MGAT3: variants seen among roughly 807,000 people sequenced by gnomAD.
MGAT3 encodes the protein GlcNAc-T III.
In MGAT3, 9 loss-of-function variants were observed where a neutral mutation model predicts 29.8. That is an observed-to-expected ratio of 0.30 (90% CI 0.18 to 0.53). The LOEUF (loss-of-function observed/expected upper bound fraction) is 0.53, where lower values mean the gene tolerates loss of function less well. MGAT3 is among the 20% of genes least tolerant of loss of function. MGAT3 has a pLI of 0.96. For missense variants in MGAT3, 557 were observed against 769.5 expected (o/e 0.72, Z 3.27); for synonymous variants, 397 against 348.9 (o/e 1.14, Z -1.54).
Position 39,488,920 on chromosome 22 carries a change from C to A in MGAT3, c.1573C>A (p.Arg525=). The A allele has an allele frequency of 1.2e-6, 2 of 1,605,030 alleles. No individual in the cohort carries two copies. Residue 525 remains arginine (R), a synonymous_variant, in exon 2 of 2, where the codon CGG becomes AGG. Transcript: ENST00000341184. ...GGGTCCCGAGGGAAGGCCGCCCGCC[C>A]GGGGCAAACTGGACGAGGCGGAAGT... ...HRGPEGRPPA[R]GKLDEAEV
intron 1 of MGAT3, among the ~76,000 whole-genome samples, chr22:39,485,605 AC>A (rs1337764554): frequency 1.3e-5 from 2 of 152,208 alleles, no homozygotes; most frequent in African/African-American, 4.8e-5. Flanking sequence ...TGCCTAGCCA[AC>A]ATGGCGAAAC....
At chr22:39,471,749 G>A (rs996204910) in intron 1 of MGAT3, among the ~76,000 whole-genome samples, 5 of 152,034 alleles carry the variant, frequency 3.3e-5, no homozygotes, top group Non-Finnish European at 5.9e-5. Flanking sequence ...ACAGAGACAC[G>A]AGGCACAGGG....
chr22:39,478,348 T>C (rs1929028170), intron 1 of MGAT3, among the ~76,000 whole-genome samples: 1 of 152,334 alleles, frequency 6.6e-6, no homozygotes, highest in African/African-American at 2.4e-5. Flanking sequence ...TTGGGCCTGC[T>C]TTACTGCTGG....
intron 1 of MGAT3, among the ~76,000 whole-genome samples, chr22:39,463,709 C>T (rs1191137408): frequency 2.0e-5 from 3 of 151,598 alleles, no homozygotes; most frequent in East Asian, 1.9e-4. Flanking sequence ...TCCAGGAGTC[C>T]GAGACCAGCC....
chr22:39,467,389 G>A (rs558612500), intron 1 of MGAT3, among the ~76,000 whole-genome samples: 22 of 152,288 alleles, frequency 1.4e-4, no homozygotes, highest in East Asian at 3.9e-4. Flanking sequence ...TCCCCTCTGC[G>A]GCCCTGGGGG....
intron 1 of MGAT3, among the ~76,000 whole-genome samples, chr22:39,475,204 A>G (rs1474132343): frequency 6.7e-6 from 1 of 149,078 alleles, no homozygotes; most frequent in Admixed American, 6.7e-5. Context: ...AGTGTCTGAA[A>G]TTGAAAAGCT....
At chr22:39,480,327 C>T (rs915638685) in intron 1 of MGAT3, among the ~76,000 whole-genome samples, 1 of 152,178 alleles carries the variant, frequency 6.6e-6, no homozygotes, top group African/African-American at 2.4e-5. Context: ...CTGCCTGGGT[C>T]ACAGAGGGCG....
At chr22:39,483,468 A>G (rs1371066508) in intron 1 of MGAT3, among the ~76,000 whole-genome samples, 1 of 151,926 alleles carries the variant, frequency 6.6e-6, no homozygotes, top group Non-Finnish European at 1.5e-5. Context: ...CTGGGCAACA[A>G]GAGCAAAACT....
In MGAT3 at chr22:39,484,441, C is replaced by T. The variant is rs549270518; in HGVS notation, c.-1-2906C>T. Among the ~76,000 whole-genome samples the T allele has an allele frequency of 1.2e-4, 19 of 152,148 alleles. No individual in the cohort carries two copies. The South Asian group carries it at 3.5e-3, about 28-fold the overall frequency. The stretch of plus-strand genomic sequence containing the variant: ...AGGTTGGAGTACAGTGGTGCGATCT[C>T]GGCTCACTGCAACCCCCACGTCCCT... On this transcript the variant is annotated intron_variant, in intron 1 of 1. Coordinates refer to ENST00000341184, the MANE Select transcript of MGAT3 (RefSeq NM_002409.5).
intron 1 of MGAT3, among the ~76,000 whole-genome samples, chr22:39,467,562 A>G (rs1454304477): frequency 6.6e-6 from 1 of 152,212 alleles, no homozygotes; most frequent in Admixed American, 6.5e-5. Flanking sequence ...GAGAATACGA[A>G]GTACAGTGTC....
chr22:39,475,928 T>A (rs1468870653), intron 1 of MGAT3: 2 of 152,328 alleles, frequency 1.3e-5, no homozygotes, highest in Admixed American at 1.3e-4. Context: ...CTGGGTAACA[T>A]AGGTCTCGTC....
chr22:39,458,181 G>A (rs1928394889), intron 1 of MGAT3, among the ~76,000 whole-genome samples: 1 of 152,320 alleles, frequency 6.6e-6, no homozygotes, highest in African/African-American at 2.4e-5. Context: ...ACCTGGCTGA[G>A]GGAGGGCGCT....
intron 1 of MGAT3, among the ~76,000 whole-genome samples, chr22:39,463,145 T>G (rs1928543621): frequency 6.6e-6 from 1 of 152,226 alleles, no homozygotes; most frequent in Admixed American, 6.5e-5. Flanking sequence ...CATAATTTGC[T>G]GCTCTTTATC....
At chr22:39,469,235 G>A (rs1417334180) in intron 1 of MGAT3, among the ~76,000 whole-genome samples, 1 of 152,064 alleles carries the variant, frequency 6.6e-6, no homozygotes, top group Non-Finnish European at 1.5e-5. Context: ...GGGGAGTGTT[G>A]GGAACGTCAT....
Position 39,487,663 on chromosome 22 carries a change from G to A in MGAT3, c.316G>A (p.Glu106Lys), listed in dbSNP as rs763171481. 9.3e-6 allele frequency: 15 copies of A among 1,608,904 alleles called. No homozygotes were observed. Among genetic ancestry groups the A allele is most frequent in the South Asian group, 8.8e-5 (8 of 90,784 alleles). Residue 106 changes from glutamate to lysine, a missense_variant, in exon 2 of 2, where the codon GAG becomes AAG. Around this residue, in one of 3 missense-constraint regions of MGAT3, gnomAD observed 212 missense variants for 228.5 expected, o/e 0.93. Coordinates refer to ENST00000341184, the MANE Select transcript of MGAT3 (RefSeq NM_002409.5). The surrounding 1 kb of genome is among the most constrained non-coding windows in gnomAD (Gnocchi z 5.7). Reference protein sequence around the residue: ...VDLVLPEDTTEYFVRTKAGGV... With the variant: ...VDLVLPEDTTKYFVRTKAGGV... ...CTTGGTGCTGCCCGAGGACACCACC[G>A]AGTATTTCGTGCGCACCAAGGCCGG...
At chr22:39,463,798 C>T (rs1928562162) in intron 1 of MGAT3, among the ~76,000 whole-genome samples, 1 of 151,900 alleles carries the variant, frequency 6.6e-6, no homozygotes, top group Admixed American at 6.6e-5. Context: ...CGCCTATAGC[C>T]TCATCTACTT....
In MGAT3 at chr22:39,492,079, C is replaced by G. The variant is rs1409745451; in HGVS notation, c.*3130C>G. 1 of 167,142 alleles carries G rather than the reference C, an allele frequency of 6.0e-6. No homozygotes were observed. The highest frequency in any genetic ancestry group is 2.4e-5 in the African/African-American group (1 of 41,418). 10.4% of individuals were successfully genotyped at this position (167,142 alleles called of 1,614,324 possible). A position where few individuals can be genotyped will look rare whatever the true frequency, so the allele number is the denominator to read the frequency against. On this transcript the variant is annotated 3_prime_UTR_variant, in exon 2 of 2. Coordinates refer to ENST00000341184, the MANE Select transcript of MGAT3 (RefSeq NM_002409.5). Reference sequence around the variant, plus strand: ...TATTATTTTTTTTGTAAGGGAAAATCAATATGTACATTCTGAAATCATTTT... The same window carrying G: ...TATTATTTTTTTTGTAAGGGAAAATGAATATGTACATTCTGAAATCATTTT...
chr22:39,467,931 G>A (rs1601720145), intron 1 of MGAT3, among the ~76,000 whole-genome samples: 2 of 151,924 alleles, frequency 1.3e-5, no homozygotes, highest in South Asian at 2.1e-4. Context: ...AGAACATGGA[G>A]CTCGGAGGCC....
chr22:39,459,337 G>A (rs1278643874), intron 1 of MGAT3, among the ~76,000 whole-genome samples: 1 of 152,174 alleles, frequency 6.6e-6, no homozygotes, highest in Non-Finnish European at 1.5e-5. Flanking sequence ...GCCTCCTAAA[G>A]TGCTGGGATT....
Sources: allele counts gnomAD v4.1 joint callset (sites outside exome capture counted in the v4.1 genomes callset), GRCh38; gene constraint gnomAD v4.1.1; regional missense constraint gnomAD v4.1.1; non-coding constraint Gnocchi (gnomAD v3.1); transcripts MANE v1.5; gene names NCBI Gene and HGNC (gene_info 2026-07-23, HGNC 2026-07-21).